Variants in ITPRID1 observed in about 807,000 individuals in gnomAD.
ITPRID1 encodes protein ITPRID1.
ITPRID1 carries 96 observed loss-of-function variants against 95.4 expected under a neutral mutation model. That is an observed-to-expected ratio of 1.01 (90% CI 0.85 to 1.19). ITPRID1 has a LOEUF of 1.19. ITPRID1 is among the 50% of genes most tolerant of loss of function. The pLI is 0.00. For missense variants in ITPRID1, 1,339 were observed against 1,252.9 expected (o/e 1.07, Z -1.04); for synonymous variants, 510 against 453.6 (o/e 1.12, Z -1.58).
intron 10 of ITPRID1, among the ~76,000 whole-genome samples, chr7:31,620,505 G>A (rs1787758124): frequency 6.6e-6 from 1 of 151,334 alleles, no homozygotes; most frequent in African/African-American, 2.4e-5. Context: ...AACAGGGTCT[G>A]GAGTGGACCT....
At chr7:31,648,910 A>G (rs1266503674) in intron 12 of ITPRID1, among the ~76,000 whole-genome samples, 1 of 152,234 alleles carries the variant, frequency 6.6e-6, no homozygotes, top group African/African-American at 2.4e-5. Flanking sequence ...ACCACAGACA[A>G]GTTAACTAGC....
At chr7:31,625,388 A>T (rs576093660) in intron 10 of ITPRID1, among the ~76,000 whole-genome samples, 46 of 152,170 alleles carry the variant, frequency 3.0e-4, no homozygotes, top group African/African-American at 1.1e-3. Context: ...TCCAACAATG[A>T]TAGACTGGAT....
chr7:31,655,300 CTCAG>C lies in ITPRID1; in HGVS notation c.*2479_*2482del, dbSNP rs1321744576. Among the ~76,000 whole-genome samples the C allele has an allele frequency of 1.3e-5, 2 of 152,176 alleles. No individual in the cohort carries two copies. Among genetic ancestry groups the C allele is most frequent in the African/African-American group, 2.4e-5 (1 of 41,446 alleles). ...GTCTCCTGCCCCTCTACCCTGCCCC[CTCAG>C]TCAGTCAATGACCACACCAATGCTG... On this transcript the variant is annotated 3_prime_UTR_variant, in exon 15 of 15. Coordinates refer to ENST00000615280, the MANE Select transcript of ITPRID1 (RefSeq NM_001257967.3).
At chr7:31,622,024 G>C (rs1787956549) in intron 10 of ITPRID1, among the ~76,000 whole-genome samples, 1 of 141,440 alleles carries the variant, frequency 7.1e-6, no homozygotes, top group Non-Finnish European at 1.5e-5. Context: ...TTACATAATG[G>C]TAAAGGGATC....
chr7:31,588,753 C>T (rs1488408561), intron 10 of ITPRID1, among the ~76,000 whole-genome samples: 1 of 151,256 alleles, frequency 6.6e-6, no homozygotes. Flanking sequence ...GGAGGAAAAT[C>T]TCCAAATTCT....
At chr7:31,599,587 TTC>T (rs1196131264) in intron 10 of ITPRID1, among the ~76,000 whole-genome samples, 5 of 41,562 alleles carry the variant, frequency 1.2e-4, no homozygotes, top group African/African-American at 4.1e-4. Context: ...TTGTGTTATT[TTC>T]TTTCTTTCTT....
At chr7:31,553,232 T>A in intron 3 of ITPRID1, 45 bp downstream of exon 3, 3 of 1,504,784 alleles carry the variant, frequency 2.0e-6, no homozygotes, top group Non-Finnish European at 2.7e-6. Context: ...CCTCTGTGAG[T>A]GGTGAGGGAT....
intron 10 of ITPRID1, among the ~76,000 whole-genome samples, chr7:31,594,505 T>C (rs571328951): frequency 4.6e-5 from 7 of 152,336 alleles, no homozygotes; most frequent in African/African-American, 1.7e-4. Context: ...TATGTTATTT[T>C]CAAAACACTA....
At chr7:31,574,084 A>G (rs1475428099) in intron 7 of ITPRID1, among the ~76,000 whole-genome samples, 1 of 152,204 alleles carries the variant, frequency 6.6e-6, no homozygotes, top group East Asian at 1.9e-4. Context: ...GATGTCCTGG[A>G]CAGATCTGTG....
intron 2 of ITPRID1, among the ~76,000 whole-genome samples, chr7:31,551,122 G>T (rs1324913955): frequency 7.0e-6 from 1 of 142,902 alleles, no homozygotes; most frequent in African/African-American, 2.5e-5. Flanking sequence ...CAAACCTTTT[G>T]ATCCTTTATT....
chr7:31,572,124 A>G lies in ITPRID1; in HGVS notation c.331A>G (p.Thr111Ala), dbSNP rs1026957497. 9 of 1,610,094 alleles carry G rather than the reference A, an allele frequency of 5.6e-6. No individual in the cohort carries two copies. In the African/African-American group the frequency reaches 6.7e-5, roughly 12 times the overall value. Residue 111 changes from threonine to alanine, a missense_variant, in exon 7 of 15, where the codon ACT becomes GCT. By Grantham distance (58) the Thr-to-Ala change is moderately conservative. Transcript: ENST00000615280. ...TAGATCTTTGCATCAGTTTTCAGAAACTCCCATCCTATCCAGAGGGACCAG... is the reference window on the plus strand; with the variant it reads ...TAGATCTTTGCATCAGTTTTCAGAAGCTCCCATCCTATCCAGAGGGACCAG... ...YMRSLHQFSETPILSRGTSFN... is the reference protein window; with the variant it reads ...YMRSLHQFSEAPILSRGTSFN...
chr7:31,623,103 C>T (rs1788078877), intron 10 of ITPRID1, among the ~76,000 whole-genome samples: 1 of 152,160 alleles, frequency 6.6e-6, no homozygotes, highest in Admixed American at 6.5e-5. Context: ...GAAATTGTGG[C>T]AATAATCAGT....
chr7:31,555,501 AC>A (rs1562566262), intron 5 of ITPRID1, among the ~76,000 whole-genome samples: 1 of 151,778 alleles, frequency 6.6e-6, no homozygotes. Context: ...AGAATCTAAG[AC>A]CCTTCAATTA....
At chr7:31,560,671 C>T (rs1451083164) in intron 5 of ITPRID1, among the ~76,000 whole-genome samples, 1 of 152,152 alleles carries the variant, frequency 6.6e-6, no homozygotes, top group Non-Finnish European at 1.5e-5. Flanking sequence ...GCCCAAGCAT[C>T]TGGAAGAATG....
chr7:31,619,921 G>A (rs867939452), intron 10 of ITPRID1, among the ~76,000 whole-genome samples: 4 of 152,188 alleles, frequency 2.6e-5, no homozygotes, highest in African/African-American at 4.8e-5. Flanking sequence ...GCGCTTTTCC[G>A]ACGGGCTTAA....
Position 31,578,103 on chromosome 7 carries a change from A to G in ITPRID1, c.839A>G (p.Lys280Arg). 1.2e-6 allele frequency: 2 copies of G among 1,613,778 alleles called. No homozygotes were observed. Among genetic ancestry groups the G allele is most frequent in the Non-Finnish European group, 1.7e-6 (2 of 1,179,806 alleles). Residue 280 changes from lysine (K) to arginine (R), a missense_variant, in exon 9 of 15, where the codon AAG becomes AGG. By Grantham distance (26) the Lys-to-Arg change is conservative. Transcript: ENST00000615280. ...GAGGTATCAGAGTCCTTCAAGGTGAAGGATGAAGTTTTTGTTCCCTTTACA... is the reference window on the plus strand; with the variant it reads ...GAGGTATCAGAGTCCTTCAAGGTGAGGGATGAAGTTTTTGTTCCCTTTACA... ...NPEVSESFKVKDEVFVPFTKP... is the reference protein window; with the variant it reads ...NPEVSESFKVRDEVFVPFTKP...
intron 10 of ITPRID1, among the ~76,000 whole-genome samples, chr7:31,608,073 G>T (rs1384813570): frequency 6.6e-6 from 1 of 151,816 alleles, no homozygotes; most frequent in Non-Finnish European, 1.5e-5. Context: ...TCATCTCACT[G>T]CATAGTTTCT....
chr7:31,641,410 C>T (rs532672730), intron 10 of ITPRID1, among the ~76,000 whole-genome samples: 1 of 152,236 alleles, frequency 6.6e-6, no homozygotes, highest in African/African-American at 2.4e-5. Flanking sequence ...AACCCCCTTC[C>T]TCCTGAGAGA....
chr7:31,575,761 T>C (rs1010462970), intron 8 of ITPRID1, among the ~76,000 whole-genome samples: 1 of 152,216 alleles, frequency 6.6e-6, no homozygotes, highest in Non-Finnish European at 1.5e-5. Context: ...AGGAAAGTCA[T>C]GTGAGACAAA....
Sources: allele counts gnomAD v4.1 joint callset (sites outside exome capture counted in the v4.1 genomes callset), GRCh38; gene constraint gnomAD v4.1.1; transcripts MANE v1.5; gene names NCBI Gene and HGNC (gene_info 2026-07-23, HGNC 2026-07-21).